Variants in EHMT1 observed in about 807,000 individuals in gnomAD.
EHMT1 encodes the protein euchromatic histone lysine methyltransferase 1.
Under a neutral mutation model 147.2 loss-of-function variants are expected in EHMT1, and 15 were observed. The ratio of observed to expected loss-of-function variants is 0.10; its 90% CI spans 0.07 to 0.16. EHMT1 has a LOEUF of 0.16. Among genes scored for constraint, EHMT1 ranks in the 10% least tolerant of loss-of-function variants. The pLI, the probability that EHMT1 is intolerant of heterozygous loss-of-function variation, is 1.00. For missense variants in EHMT1, 1,587 were observed against 1,772.4 expected (o/e 0.90, Z 1.88); for synonymous variants, 795 against 709.6 (o/e 1.12, Z -1.91).
intron 1 of EHMT1, among the ~76,000 whole-genome samples, chr9:137,679,151 A>G (rs1409544582): frequency 1.3e-5 from 2 of 152,096 alleles, no homozygotes; most frequent in African/African-American, 4.8e-5. Context: ...GGGTTTCACC[A>G]TGTTGGCCAG....
At chr9:137,827,963 A>AC (rs1438988812) in intron 25 of EHMT1, among the ~76,000 whole-genome samples, 29 of 152,122 alleles carry the variant, frequency 1.9e-4, no homozygotes, top group African/African-American at 6.3e-4. Context: ...AAGCCTCTGA[A>AC]CCGTAGGAGC....
At chr9:137,694,092 A>G (rs1588206662) in intron 1 of EHMT1, among the ~76,000 whole-genome samples, 1 of 54,322 alleles carries the variant, frequency 1.8e-5, no homozygotes, top group African/African-American at 7.6e-5. Context: ...CCCCCCACAC[A>G]GTGGCTCAGG....
intron 1 of EHMT1, among the ~76,000 whole-genome samples, chr9:137,706,120 G>A (rs532020691): frequency 6.6e-6 from 1 of 152,298 alleles, no homozygotes; most frequent in South Asian, 2.1e-4. Context: ...CAAGGCACAC[G>A]GGGCCATGGC....
intron 10 of EHMT1, among the ~76,000 whole-genome samples, chr9:137,768,771 C>T (rs1455738487): frequency 6.6e-6 from 1 of 151,292 alleles, no homozygotes; most frequent in Non-Finnish European, 1.5e-5. Flanking sequence ...GGGATGGTCT[C>T]GATCTCCTGA....
At chr9:137,797,932 A>G (rs1266554027) in intron 16 of EHMT1, among the ~76,000 whole-genome samples, 1 of 152,240 alleles carries the variant, frequency 6.6e-6, no homozygotes, top group Admixed American at 6.5e-5. Flanking sequence ...TGGATGGCAC[A>G]GCGGTGTGGG....
rs150007223 is a variant in EHMT1, at chr9:137,639,998, G to T, written c.21+20949G>T. 4.8e-3 allele frequency among the ~76,000 whole-genome samples: 735 copies of T among 152,208 alleles called. 3 individuals are homozygous for T. Among genetic ancestry groups the T allele is most frequent in the African/African-American group, 0.013 (557 of 41,536 alleles). ...TGCCCAGGCTGGAGTGCAATGGCGC[G>T]ATCTTGGCTCACCGTAACCTCTGCC... On this transcript the variant is annotated intron_variant, in intron 1 of 26. Coordinates refer to ENST00000460843, the MANE Select transcript of EHMT1 (RefSeq NM_024757.5).
chr9:137,662,892 C>T (rs771177454), intron 1 of EHMT1, among the ~76,000 whole-genome samples: 3 of 151,954 alleles, frequency 2.0e-5, no homozygotes, highest in Non-Finnish European at 4.4e-5. Flanking sequence ...CTCCTGGGTT[C>T]CAGCGATTCT....
chr9:137,721,003 CTCCTCGCCGGCG>C lies in EHMT1; in HGVS notation c.642+3830_642+3841del, dbSNP rs992725864. Among the ~76,000 whole-genome samples the C allele has an allele frequency of 7.2e-5, 11 of 152,100 alleles. No homozygotes were observed. The South Asian group carries it at 8.3e-4, about 11-fold the overall frequency. ...ATGTTGCAGTGGCCGCCTTTCTCCC[CTCCTCGCCGGCG>C]TCCTCGCCAGCGTTAGCTCTTACCC... On this transcript the variant is annotated intron_variant, in intron 3 of 26. Transcript: ENST00000460843.
chr9:137,781,359 C>CGTGTGATGACGCTGGGAT (rs1951523827), intron 14 of EHMT1, among the ~76,000 whole-genome samples: 3 of 118,282 alleles, frequency 2.5e-5, no homozygotes, highest in African/African-American at 1.0e-4. Context: ...GACGCTGAGA[C>CGTGTGATGACGCTGGGAT]GTGTGGTGAT....
intron 1 of EHMT1, among the ~76,000 whole-genome samples, chr9:137,654,161 C>T (rs1342396057): frequency 6.6e-5 from 10 of 152,160 alleles, no homozygotes; most frequent in African/African-American, 1.2e-4. Context: ...GTCAGGAGTG[C>T]GAGACCAGCT....
At position 137,717,351 on chromosome 9, in the gene EHMT1, G is replaced by A. The variant is rs550150776; in HGVS notation, c.642+169G>A. 1.3e-4 allele frequency: 113 copies of A among 886,666 alleles called. 1 individual carries two copies. The Middle Eastern group carries it at 3.6e-3, about 28-fold the overall frequency. The allele number at this position is 886,666 out of a possible 1,614,324, so 54.9% of individuals were successfully genotyped here. ...GGAGCAGTGGCTTACAGCTGTTATC[G>A]CAGCACTTTGGGAGGCTGAGGCGGG... On this transcript the variant is annotated intron_variant, in intron 3 of 26. Coordinates refer to ENST00000460843, the MANE Select transcript of EHMT1 (RefSeq NM_024757.5).
chr9:137,663,536 G>A (rs1270682705), intron 1 of EHMT1, among the ~76,000 whole-genome samples: 2 of 152,214 alleles, frequency 1.3e-5, no homozygotes, highest in Non-Finnish European at 2.9e-5. Flanking sequence ...GCATATTGCA[G>A]AGTAAAAGAC....
At chr9:137,713,294 G>C (rs914802772) in intron 2 of EHMT1, among the ~76,000 whole-genome samples, 6 of 140,250 alleles carry the variant, frequency 4.3e-5, no homozygotes, top group Non-Finnish European at 7.6e-5. Context: ...TTTTGAGATG[G>C]AGTCTTGCTC....
chr9:137,804,066 G>A (rs949429774), intron 18 of EHMT1, among the ~76,000 whole-genome samples: 3 of 152,170 alleles, frequency 2.0e-5, no homozygotes, highest in Non-Finnish European at 4.4e-5. Context: ...GTCTTACATG[G>A]TGGCAGGAGA....
intron 1 of EHMT1, among the ~76,000 whole-genome samples, chr9:137,684,057 C>T (rs1051633533): frequency 9.2e-5 from 14 of 151,620 alleles, no homozygotes; most frequent in Non-Finnish European, 1.5e-4. Context: ...TTTTTTGAGA[C>T]AGGGCCTCAC....
At chr9:137,632,738 C>T (rs940414536) in intron 1 of EHMT1, among the ~76,000 whole-genome samples, 10 of 152,162 alleles carry the variant, frequency 6.6e-5, no homozygotes, top group Non-Finnish European at 1.5e-4. Flanking sequence ...GCGTGAGCCA[C>T]TGTGCCCGGC....
Position 137,811,573 on chromosome 9 carries a change from C to T in EHMT1, c.2825C>T (p.Pro942Leu). 1 of 1,606,818 alleles carries T rather than the reference C, an allele frequency of 6.2e-7. No individual in the cohort carries two copies. Among genetic ancestry groups the T allele is most frequent in the East Asian group, 2.2e-5 (1 of 44,878 alleles). ...LHAVNIHGDS[P>L]LHIAARENRY... Reference sequence around the variant, plus strand: ...GCCGTGAACATCCACGGAGACTCGCCACTGCACATTGCCGCCCGGGAGAAC... The same window carrying T: ...GCCGTGAACATCCACGGAGACTCGCTACTGCACATTGCCGCCCGGGAGAAC... The change falls in exon 19 of 27, where the codon CCA becomes CTA. Residue 942 changes from proline (P) to leucine (L), a missense_variant. By Grantham distance (98) the Pro-to-Leu change is moderately conservative. Transcript: ENST00000460843.
At chr9:137,634,868 ATT>A (rs781056803) in intron 1 of EHMT1, among the ~76,000 whole-genome samples, 2,483 of 91,934 alleles carry the variant, frequency 0.027, 45 homozygotes, top group African/African-American at 0.1. Context: ...TGCCCAGCTA[ATT>A]TTTTTTTTTT....
chr9:137,800,538 T>C (rs1021939589), intron 17 of EHMT1: 4 of 145,528 alleles, frequency 2.7e-5, no homozygotes, highest in African/African-American at 1.4e-4. Context: ...TCAGCTCCCG[T>C]GTGTGTGCCA....
Sources: gnomAD v4.1 joint callset for allele counts (sites outside exome capture counted in the v4.1 genomes callset) on GRCh38, gnomAD v4.1.1 for gene constraint, MANE v1.5 for transcripts, NCBI Gene and HGNC (gene_info 2026-07-23, HGNC 2026-07-21) for gene names.